RHOA: variants seen among roughly 807,000 people sequenced by gnomAD.
RHOA encodes transforming protein RhoA.
RHOA carries 3 observed loss-of-function variants against 17.5 expected under a neutral mutation model. That is an observed-to-expected ratio of 0.17 (90% CI 0.08 to 0.44). RHOA has a LOEUF of 0.44. Among genes scored for constraint, RHOA ranks in the 20% least tolerant of loss-of-function variants. RHOA has a pLI of 0.99. For missense variants in RHOA, 56 were observed against 242.3 expected (o/e 0.23, Z 5.10); for synonymous variants, 98 against 88.4 (o/e 1.11, Z -0.61).
intron 2 of RHOA, among the ~76,000 whole-genome samples, chr3:49,369,006 C>CTTTTTTTTTTTTTT (rs1160140765): frequency 5.0e-5 from 3 of 59,706 alleles, no homozygotes; most frequent in African/African-American, 1.5e-4. Flanking sequence ...CGCGCCTGGC[C>CTTTTTTTTTTTTTT]TTTTTTTTTT....
At chr3:49,407,241 T>G (rs962659695) in intron 1 of RHOA, among the ~76,000 whole-genome samples, 3 of 139,796 alleles carry the variant, frequency 2.1e-5, no homozygotes, top group Non-Finnish European at 3.1e-5. Context: ...CGTTTTTTTT[T>G]TTTTTTTTTT....
chr3:49,374,009 G>T (rs1244398526), intron 2 of RHOA, among the ~76,000 whole-genome samples: 1 of 152,044 alleles, frequency 6.6e-6, no homozygotes, highest in East Asian at 1.9e-4. Context: ...CACCATCAAT[G>T]ACAATAAAAT....
intron 1 of RHOA, among the ~76,000 whole-genome samples, chr3:49,405,257 C>CAAAAAAAA (rs56912055): frequency 1.8e-5 from 2 of 110,020 alleles, no homozygotes; most frequent in African/African-American, 8.2e-5. Flanking sequence ...GACTGTGTCT[C>CAAAAAAAA]AAAAAAAAAA....
At chr3:49,377,274 CG>C (rs1266245410) in intron 1 of RHOA, among the ~76,000 whole-genome samples, 1 of 150,710 alleles carries the variant, frequency 6.6e-6, no homozygotes, top group African/African-American at 2.4e-5. Flanking sequence ...AAAGGAAGGA[CG>C]GACGGAAGCA....
intron 1 of RHOA, among the ~76,000 whole-genome samples, chr3:49,403,135 G>A (rs111271782): frequency 0.11 from 16,469 of 151,748 alleles, 1,299 homozygotes; most frequent in South Asian, 0.15. Flanking sequence ...AGATCAGATC[G>A]AGACCATCCT....
chr3:49,385,308 C>T lies in RHOA; in HGVS notation c.-2-9717G>A, dbSNP rs543224815. Reference sequence around the variant, plus strand: ...CGATCTTGGCTCACTGCAACCTCCGCCTCCCAGGTTCAAGCAATTCTCCTG... The same window carrying T: ...CGATCTTGGCTCACTGCAACCTCCGTCTCCCAGGTTCAAGCAATTCTCCTG... On this transcript the variant is annotated intron_variant, in intron 1 of 4. Transcript: ENST00000418115. Among the ~76,000 whole-genome samples, 4 of 151,038 alleles carry T rather than the reference C, an allele frequency of 2.6e-5. No homozygotes were observed. In the South Asian group the frequency reaches 8.4e-4, roughly 32 times the overall value.
intron 3 of RHOA, among the ~76,000 whole-genome samples, chr3:49,365,539 G>C (rs1054597140): frequency 1.3e-5 from 2 of 150,742 alleles, no homozygotes; most frequent in African/African-American, 4.9e-5. Flanking sequence ...GAGGTACATA[G>C]AATTTGAATA....
At chr3:49,403,579 T>A (rs1460816768) in intron 1 of RHOA, among the ~76,000 whole-genome samples, 1 of 151,660 alleles carries the variant, frequency 6.6e-6, no homozygotes, top group East Asian at 1.9e-4. Flanking sequence ...AATAAAAATG[T>A]AGCCAGGCGT....
intron 1 of RHOA, among the ~76,000 whole-genome samples, chr3:49,384,455 T>C (rs1327691539): frequency 1.3e-5 from 2 of 152,164 alleles, no homozygotes; most frequent in East Asian, 1.9e-4. Flanking sequence ...AAGTCAGTTA[T>C]ATCTAATTAA....
intron 1 of RHOA, among the ~76,000 whole-genome samples, chr3:49,384,308 T>C (rs188121003): frequency 8.6e-4 from 131 of 152,254 alleles, no homozygotes; most frequent in Middle Eastern, 6.8e-3. Context: ...CACTTTGCTA[T>C]AATGCAGCAT....
chr3:49,386,736 C>G (rs1340373462), intron 1 of RHOA, among the ~76,000 whole-genome samples: 1 of 152,110 alleles, frequency 6.6e-6, no homozygotes, highest in African/African-American at 2.4e-5. Flanking sequence ...GAATATTTTT[C>G]CTTAACTTCA....
intron 2 of RHOA, among the ~76,000 whole-genome samples, chr3:49,369,744 A>T (rs1321547481): frequency 7.3e-6 from 1 of 137,800 alleles, no homozygotes; most frequent in Non-Finnish European, 1.6e-5. Flanking sequence ...CTCCATCTCT[A>T]AAAAAAAAAA....
At chr3:49,393,363 G>A (rs2048542950) in intron 1 of RHOA, among the ~76,000 whole-genome samples, 2 of 151,840 alleles carry the variant, frequency 1.3e-5, no homozygotes, top group African/African-American at 4.8e-5. Flanking sequence ...CTGGAGTGCA[G>A]TGACGTAATT....
intron 1 of RHOA, among the ~76,000 whole-genome samples, chr3:49,391,090 C>T (rs2048494999): frequency 6.6e-6 from 1 of 151,838 alleles, no homozygotes; most frequent in African/African-American, 2.4e-5. Context: ...TGGTGGCATG[C>T]ACCTGTAGTC....
At chr3:49,387,083 C>T (rs2048408196) in intron 1 of RHOA, among the ~76,000 whole-genome samples, 1 of 117,734 alleles carries the variant, frequency 8.5e-6, no homozygotes, top group African/African-American at 3.3e-5. Context: ...CGCCATTCCA[C>T]TCCAGCCTGG....
chr3:49,391,999 C>T (rs2048519799), intron 1 of RHOA, among the ~76,000 whole-genome samples: 2 of 150,660 alleles, frequency 1.3e-5, no homozygotes, highest in South Asian at 4.2e-4. Context: ...GGCTCATTTC[C>T]GTATTTTTAG....
intron 1 of RHOA, among the ~76,000 whole-genome samples, chr3:49,384,900 T>C (rs971199772): frequency 6.6e-6 from 1 of 151,976 alleles, no homozygotes; most frequent in African/African-American, 2.4e-5. Context: ...CATTCTCTAC[T>C]ATGAACACAA....
chr3:49,385,670 T>A (rs1407494439), intron 1 of RHOA, among the ~76,000 whole-genome samples: 1 of 152,058 alleles, frequency 6.6e-6, no homozygotes, highest in African/African-American at 2.4e-5. Context: ...ACAGCCAAAT[T>A]CAAGGTCGTA....
rs576521593 is a variant in RHOA, at chr3:49,406,191, C to A, written c.-3+5629G>T. On this transcript the variant is annotated intron_variant, in intron 1 of 4. Coordinates refer to ENST00000418115, the MANE Select transcript of RHOA (RefSeq NM_001664.4). The stretch of plus-strand genomic sequence containing the variant: ...ACAAAGTGTTACAACATTAAATATC[C>A]ATCTTAAATTTACTTCCTTAACCTC... Among the ~76,000 whole-genome samples, 56 of 152,062 alleles carry A rather than the reference C, an allele frequency of 3.7e-4. 3 individuals are homozygous for A. In the South Asian group the frequency reaches 0.012, roughly 32 times the overall value.
Sources: gnomAD v4.1 joint callset for allele counts (sites outside exome capture counted in the v4.1 genomes callset) on GRCh38, gnomAD v4.1.1 for gene constraint, MANE v1.5 for transcripts, NCBI Gene and HGNC (gene_info 2026-07-23, HGNC 2026-07-21) for gene names.